The following GLRA3 variants were observed in gnomAD, a reference collection of about 807,000 sequenced individuals.
GLRA3 encodes the protein glycine receptor subunit alpha-3.
In GLRA3, 44 loss-of-function variants were observed where a neutral mutation model predicts 60.4. That is an observed-to-expected ratio of 0.73 (90% CI 0.57 to 0.94). The LOEUF is 0.94. Ranked by LOEUF, GLRA3 falls within the 40% of genes least tolerant of loss-of-function variation. GLRA3 has a pLI of 0.00. For missense variants in GLRA3, 508 were observed against 564.6 expected, an observed-to-expected ratio of 0.90 and a Z score of 1.02; for synonymous variants, 223 against 192.9, an observed-to-expected ratio of 1.16 and a Z score of -1.29.
At chr4:174,725,246 G>T (rs1736279501) in intron 4 of GLRA3, among the ~76,000 whole-genome samples, 1 of 152,022 alleles carries the variant, frequency 6.6e-6, no homozygotes, top group South Asian at 2.1e-4. Context: ...TTGTTATTCT[G>T]TTTTATGGTT....
Position 174,682,924 on chromosome 4 carries a change from T to C in GLRA3, c.590A>G (p.Asn197Ser), listed in dbSNP as rs777980281. 3.1e-6 allele frequency: 5 copies of C among 1,612,880 alleles called. No homozygotes were observed. In the Admixed American group the frequency reaches 8.3e-5, roughly 27 times the overall value. ...MQLESFGYTM[N>S]DLIFEWQDEA... ...ATCTTGCCATTCAAAAATGAGATCA[T>C]TCATTGTGTACCCAACTAGGCAAAA... Residue 197 changes from asparagine (N) to serine (S), a missense_variant, in exon 6 of 10, where the codon AAT (asparagine) becomes AGT (serine). Asn to Ser is a conservative substitution (Grantham distance 46). Transcript: ENST00000274093.
intron 4 of GLRA3, among the ~76,000 whole-genome samples, chr4:174,719,359 TATTTCTTATAATACAAGA>T (rs1161828899): frequency 4.6e-5 from 7 of 152,218 alleles, no homozygotes; most frequent in African/African-American, 1.7e-4. Context: ...TTAAATTATG[TATTTCTTATAATACAAGA>T]AATGATATAT....
intron 2 of GLRA3, 137 bp downstream of exon 2, chr4:174,788,679 G>T: frequency 2.0e-5 from 7 of 341,672 alleles, no homozygotes; most frequent in East Asian, 6.7e-5. Flanking sequence ...TCTTTTTCAA[G>T]ACACCTTGGT....
At chr4:174,652,464 C>T (rs1206863504) in intron 9 of GLRA3, among the ~76,000 whole-genome samples, 1 of 151,890 alleles carries the variant, frequency 6.6e-6, no homozygotes, top group Non-Finnish European at 1.5e-5. Flanking sequence ...ACAAGTAAAC[C>T]TTCTTACTAT....
At chr4:174,660,557 A>G (rs963686303) in intron 7 of GLRA3, among the ~76,000 whole-genome samples, 6 of 152,198 alleles carry the variant, frequency 3.9e-5, no homozygotes, top group Non-Finnish European at 7.3e-5. Flanking sequence ...AGGTTGCTCT[A>G]TTATAAAATT....
At chr4:174,686,271 T>C (rs1428575876) in intron 5 of GLRA3, among the ~76,000 whole-genome samples, 2 of 152,238 alleles carry the variant, frequency 1.3e-5, no homozygotes, top group East Asian at 3.8e-4. Flanking sequence ...AATACTTTTT[T>C]ACACAATTCA....
At chr4:174,818,057 G>T (rs1740581512) in intron 1 of GLRA3, among the ~76,000 whole-genome samples, 1 of 152,150 alleles carries the variant, frequency 6.6e-6, no homozygotes, top group Non-Finnish European at 1.5e-5. Flanking sequence ...TTTAAAAGTA[G>T]CATATTAAAT....
chr4:174,781,006 T>C (rs1402800191), intron 2 of GLRA3, among the ~76,000 whole-genome samples: 2 of 152,164 alleles, frequency 1.3e-5, no homozygotes, highest in Non-Finnish European at 2.9e-5. Context: ...ATCAACAGAA[T>C]ATACATTTTT....
Position 174,641,250 on chromosome 4 carries a change from C to T in GLRA3, c.*2536G>A, listed in dbSNP as rs1034403077. The T allele has an allele frequency of 1.3e-5, 2 of 152,048 alleles. No homozygotes were observed. The highest frequency in any genetic ancestry group is 2.9e-5 in the Non-Finnish European group (2 of 67,964). The allele number at this position is 152,048 out of a possible 1,614,324, so 9.4% of individuals were successfully genotyped here. On this transcript the variant is annotated 3_prime_UTR_variant, in exon 10 of 10. Transcript: ENST00000274093. ...GTGTTTAGTAGTTAATGTATATGCA[C>T]ACATTTTTAATTTCTTGCCATTAAT... is the stretch of plus-strand genomic sequence containing the variant.
Position 174,637,409 on chromosome 4 carries a change from A to G in GLRA3, c.*6377T>C, listed in dbSNP as rs914498729. 6.6e-6 allele frequency: 1 copy of G among 152,076 alleles called. No individual in the cohort carries two copies. The highest frequency in any genetic ancestry group is 2.4e-5 in the African/African-American group (1 of 41,426). 9.4% of individuals were successfully genotyped at this position (152,076 alleles called of 1,614,324 possible). ...CCCCCCATATTATCATTTATCATAC[A>G]TTAAAATACAAATTTAAGTAATGAC... On this transcript the variant is annotated 3_prime_UTR_variant, in exon 10 of 10. Transcript: ENST00000274093.
rs1167185099 is a variant in GLRA3, at chr4:174,808,896, CAA to C, written c.71+19843_71+19844del. Reference sequence around the variant, plus strand: ...TGTCCTTTAAGCTAAGCATTGTTATCAAAGAGTCAAAAATTTAAAAAAATTGA... The same window carrying C: ...TGTCCTTTAAGCTAAGCATTGTTATCAGAGTCAAAAATTTAAAAAAATTGA... On this transcript the variant is annotated intron_variant, in intron 1 of 9. Transcript: ENST00000274093. Among the ~76,000 whole-genome samples the C allele has an allele frequency of 8.5e-5, 13 of 152,084 alleles. 1 individual carries two copies. The East Asian group carries it at 1.4e-3, about 16-fold the overall frequency.
intron 1 of GLRA3, among the ~76,000 whole-genome samples, chr4:174,819,573 T>C (rs1740651319): frequency 6.6e-6 from 1 of 152,208 alleles, no homozygotes; most frequent in Non-Finnish European, 1.5e-5. Flanking sequence ...TATACTCCTT[T>C]CCATTCCAGA....
intron 1 of GLRA3, among the ~76,000 whole-genome samples, chr4:174,816,929 T>A (rs982596449): frequency 2.6e-5 from 4 of 152,198 alleles, no homozygotes; most frequent in Non-Finnish European, 5.9e-5. Flanking sequence ...TAATATCATG[T>A]AAAATGGGGT....
At chr4:174,676,285 T>C (rs1734113329) in intron 7 of GLRA3, among the ~76,000 whole-genome samples, 1 of 152,100 alleles carries the variant, frequency 6.6e-6, no homozygotes, top group South Asian at 2.1e-4. Flanking sequence ...GTCTCCTTCC[T>C]ATTGACTTAT....
At chr4:174,707,745 G>C in intron 5 of GLRA3, among the ~76,000 whole-genome samples, 1 of 152,138 alleles carries the variant, frequency 6.6e-6, no homozygotes, top group East Asian at 1.9e-4. Context: ...AATGACCAAT[G>C]GTTGTATGAA....
intron 1 of GLRA3, among the ~76,000 whole-genome samples, chr4:174,812,532 A>C (rs1740313078): frequency 6.6e-6 from 1 of 152,106 alleles, no homozygotes; most frequent in African/African-American, 2.4e-5. Flanking sequence ...AGAAAATGGC[A>C]TAGAACAAAG....
rs549284627 is a variant in GLRA3 at position 174,790,381 on chromosome 4, A to ATTT, written c.72-1439_72-1438insAAA. 4.6e-3 allele frequency among the ~76,000 whole-genome samples: 679 copies of ATTT among 148,854 alleles called. 2 individuals are homozygous for ATTT. The highest frequency in any genetic ancestry group is 0.016 in the African/African-American group (657 of 40,702). ...TACAAAAATCATTATAATAATAAAT[A>ATTT]TATTTTTTTAAAAAAACCTATCTTC... On this transcript the variant is annotated intron_variant, in intron 1 of 9. Coordinates refer to ENST00000274093, the MANE Select transcript of GLRA3 (RefSeq NM_006529.4).
chr4:174,762,653 T>C (rs1293687802), intron 3 of GLRA3, among the ~76,000 whole-genome samples: 4 of 152,156 alleles, frequency 2.6e-5, no homozygotes, highest in South Asian at 2.1e-4. Context: ...GATCACCAAA[T>C]AGATATGCTC....
chr4:174,745,516 G>A (rs1737208986), intron 3 of GLRA3, among the ~76,000 whole-genome samples: 1 of 151,984 alleles, frequency 6.6e-6, no homozygotes, highest in South Asian at 2.1e-4. Flanking sequence ...ATAGTTTTGG[G>A]TCTAACACTT....
Sources: gnomAD v4.1 joint callset for allele counts (sites outside exome capture counted in the v4.1 genomes callset) on GRCh38, gnomAD v4.1.1 for gene constraint, MANE v1.5 for transcripts, NCBI Gene and HGNC (gene_info 2026-07-23, HGNC 2026-07-21) for gene names.